RARB: variants seen among roughly 807,000 people sequenced by gnomAD.
RARB encodes HBV-activated protein.
A neutral mutation model predicts 51.9 loss-of-function variants in RARB; 17 were observed. That is an observed-to-expected ratio of 0.33 (90% CI 0.22 to 0.49). The LOEUF is 0.49. Among genes scored for constraint, RARB ranks in the 20% least tolerant of loss-of-function variants. The pLI is 0.99. For missense variants in RARB, 369 were observed against 550.8 expected, an observed-to-expected ratio of 0.67 and a Z score of 3.30; for synonymous variants, 215 against 195.4, an observed-to-expected ratio of 1.10 and a Z score of -0.84.
chr3:25,567,687 G>A (rs1700554993), intron 3 of RARB, among the ~76,000 whole-genome samples: 2 of 152,140 alleles, frequency 1.3e-5, no homozygotes, highest in South Asian at 4.1e-4. Flanking sequence ...TGCGTCACAT[G>A]GTACCTCTGC....
At chr3:24,877,999 A>C (rs1365431402) in intron 2 of RARB, among the ~76,000 whole-genome samples, 1 of 152,182 alleles carries the variant, frequency 6.6e-6, no homozygotes, top group Admixed American at 6.5e-5. Flanking sequence ...TCGGTTTCCT[A>C]TTGACATAAA....
chr3:25,476,354 G>C (rs1233210032), intron 2 of RARB, among the ~76,000 whole-genome samples: 1 of 151,998 alleles, frequency 6.6e-6, no homozygotes, highest in Non-Finnish European at 1.5e-5. Context: ...CTGGATAAAG[G>C]GTCCCCTCCC....
At chr3:25,102,321 A>C (rs956293124) in intron 3 of RARB, among the ~76,000 whole-genome samples, 2 of 152,062 alleles carry the variant, frequency 1.3e-5, no homozygotes, top group Non-Finnish European at 2.9e-5. Flanking sequence ...CAGGTTGATC[A>C]CCTGAGGTCA....
At chr3:25,553,991 G>A (rs570759334) in intron 3 of RARB, among the ~76,000 whole-genome samples, 2 of 152,016 alleles carry the variant, frequency 1.3e-5, no homozygotes, top group South Asian at 4.2e-4. Context: ...CATGTCACCT[G>A]TGTTTGCCAC....
intron 5 of RARB, among the ~76,000 whole-genome samples, chr3:25,327,041 C>T (rs907642983): frequency 1.3e-4 from 20 of 151,962 alleles, no homozygotes; most frequent in Admixed American, 3.3e-4. Context: ...TTCCTGTGTC[C>T]ATGTGTTCTC....
intron 5 of RARB, among the ~76,000 whole-genome samples, chr3:25,187,631 AT>A (rs1701008499): frequency 1.3e-5 from 2 of 152,106 alleles, no homozygotes; most frequent in South Asian, 2.1e-4. Flanking sequence ...AACAAAAGCA[AT>A]TTTAAAAAGA....
At chr3:24,954,932 G>A (rs761640733) in intron 2 of RARB, among the ~76,000 whole-genome samples, 1 of 152,146 alleles carries the variant, frequency 6.6e-6, no homozygotes, top group Non-Finnish European at 1.5e-5. Flanking sequence ...CCCGACGACA[G>A]TATCTAGGGG....
chr3:24,868,243 C>G (rs570911073), intron 2 of RARB, among the ~76,000 whole-genome samples: 3 of 152,022 alleles, frequency 2.0e-5, no homozygotes, highest in Admixed American at 2.0e-4. Flanking sequence ...TATAGAAAAT[C>G]TAGGTTTTAG....
intron 3 of RARB, among the ~76,000 whole-genome samples, chr3:25,545,820 CAT>C (rs1473598745): frequency 8.5e-5 from 13 of 152,070 alleles, no homozygotes; most frequent in Non-Finnish European, 7.4e-5. Context: ...CTGGTGATAA[CAT>C]GTGAAGAATT....
Position 25,170,272 on chromosome 3 carries a change from G to A in RARB, c.-279-3847G>A, listed in dbSNP as rs140761309. 8.1e-4 allele frequency among the ~76,000 whole-genome samples: 123 copies of A among 152,326 alleles called. 1 individual carries two copies. The East Asian group carries it at 0.016, about 20-fold the overall frequency. ...GAGTTTAGCAGTAGTGACAGAGACT[G>A]TATGAACCACAGTCTCAAATATTCA... On this transcript the variant is annotated intron_variant, in intron 4 of 11. Coordinates refer to the RARB transcript ENST00000383772.
intron 2 of RARB, among the ~76,000 whole-genome samples, chr3:24,859,895 A>G (rs1013838076): frequency 6.6e-6 from 1 of 152,152 alleles, no homozygotes; most frequent in Non-Finnish European, 1.5e-5. Context: ...TTTAAATTCT[A>G]TATTATTCTC....
chr3:25,244,425 T>C (rs1008401510), intron 5 of RARB, among the ~76,000 whole-genome samples: 1 of 152,182 alleles, frequency 6.6e-6, no homozygotes, highest in Non-Finnish European at 1.5e-5. Flanking sequence ...TTTAGATCTT[T>C]CCCGCCTTCT....
chr3:25,078,351 A>G (rs570325722), intron 3 of RARB, among the ~76,000 whole-genome samples: 26 of 152,254 alleles, frequency 1.7e-4, no homozygotes, highest in African/African-American at 2.4e-4. Flanking sequence ...TTGCAATACT[A>G]TCTGATGAAT....
intron 2 of RARB, among the ~76,000 whole-genome samples, chr3:24,988,562 G>T (rs549955294): frequency 6.6e-6 from 1 of 151,978 alleles, no homozygotes; most frequent in East Asian, 1.9e-4. Context: ...CTTCTGGTTC[G>T]TGTGTTTTAT....
chr3:24,959,902 T>A (rs1696101426), intron 2 of RARB, among the ~76,000 whole-genome samples: 1 of 152,238 alleles, frequency 6.6e-6, no homozygotes, highest in Non-Finnish European at 1.5e-5. Flanking sequence ...TCTTTACATT[T>A]TAAGACATAG....
chr3:25,255,878 G>A (rs1365223701), intron 5 of RARB, among the ~76,000 whole-genome samples: 5 of 152,166 alleles, frequency 3.3e-5, no homozygotes, highest in South Asian at 4.1e-4. Context: ...CTTTACGTCT[G>A]TTTATTTATA....
intron 2 of RARB, among the ~76,000 whole-genome samples, chr3:24,864,938 T>A (rs965677256): frequency 6.6e-6 from 1 of 152,204 alleles, no homozygotes; most frequent in Non-Finnish European, 1.5e-5. Context: ...GTCAAGGAAC[T>A]GTACTTTGAA....
At chr3:24,921,261 C>G (rs1695211018) in intron 2 of RARB, among the ~76,000 whole-genome samples, 1 of 152,098 alleles carries the variant, frequency 6.6e-6, no homozygotes, top group South Asian at 2.1e-4. Flanking sequence ...GTGTGTTCAG[C>G]ACTGTGCTAC....
chr3:24,854,306 A>G (rs192722832), intron 1 of RARB, among the ~76,000 whole-genome samples: 2 of 152,322 alleles, frequency 1.3e-5, no homozygotes, highest in African/African-American at 2.4e-5. Context: ...ATGTTTCTCA[A>G]TGTGTAATCC....
Sources: gnomAD v4.1 joint callset for allele counts (sites outside exome capture counted in the v4.1 genomes callset) on GRCh38, gnomAD v4.1.1 for gene constraint, MANE v1.5 for transcripts, NCBI Gene and HGNC (gene_info 2026-07-23, HGNC 2026-07-21) for gene names.